The following ARPP21 variants were observed in gnomAD, a reference collection of about 807,000 sequenced individuals.
The protein encoded by ARPP21 is cAMP regulated phosphoprotein 21.
In ARPP21, 69 loss-of-function variants were observed where a neutral mutation model predicts 113.2. That is an observed-to-expected ratio of 0.61 (90% CI 0.50 to 0.74). The LOEUF is 0.74. Among genes scored for constraint, ARPP21 ranks in the 30% least tolerant of loss-of-function variants. The pLI is 0.00. For synonymous variants in ARPP21, 368 were observed against 375.5 expected, an observed-to-expected ratio of 0.98 and a Z score of 0.23; for missense variants, 1,070 against 1,037.4, an observed-to-expected ratio of 1.03 and a Z score of -0.43.
At chr3:35,738,868 C>A (rs1476353848) in intron 17 of ARPP21, among the ~76,000 whole-genome samples, 3 of 152,198 alleles carry the variant, frequency 2.0e-5, no homozygotes, top group African/African-American at 4.8e-5. Context: ...GTTGGTGATA[C>A]TGGTCCTGGC....
chr3:35,753,808 C>T (rs1452801132), intron 19 of ARPP21, among the ~76,000 whole-genome samples: 3 of 151,778 alleles, frequency 2.0e-5, no homozygotes, highest in African/African-American at 7.2e-5. Context: ...AGGTTATTGC[C>T]TCTTTAATGT....
intron 19 of ARPP21, among the ~76,000 whole-genome samples, chr3:35,750,311 C>T (rs181782547): frequency 2.0e-5 from 3 of 151,800 alleles, no homozygotes; most frequent in Non-Finnish European, 4.4e-5. Context: ...TTCTCTGAGA[C>T]CTTATCTTTG....
At chr3:35,690,690 A>C (rs1199550241) in intron 8 of ARPP21, among the ~76,000 whole-genome samples, 175 bp from the exon 9 acceptor site, 2 of 151,654 alleles carry the variant, frequency 1.3e-5, no homozygotes, top group African/African-American at 2.4e-5. Flanking sequence ...TTAATCAATA[A>C]ATCTATAATA....
At chr3:35,760,193 T>C (rs192718239) in intron 19 of ARPP21, among the ~76,000 whole-genome samples, 60 of 152,224 alleles carry the variant, frequency 3.9e-4, no homozygotes, top group African/African-American at 1.2e-3. Context: ...TTGTTGTCGT[T>C]GTTGGTTTGT....
chr3:35,690,697 A>G (rs1012676680), intron 8 of ARPP21, among the ~76,000 whole-genome samples, 168 bp from the exon 9 acceptor site: 1 of 151,670 alleles, frequency 6.6e-6, no homozygotes, highest in African/African-American at 2.4e-5. Flanking sequence ...ATAAATCTAT[A>G]ATAAGTAGAA....
chr3:35,770,530 G>A (rs530746031), intron 19 of ARPP21, among the ~76,000 whole-genome samples: 1 of 152,132 alleles, frequency 6.6e-6, no homozygotes, highest in Non-Finnish European at 1.5e-5. Context: ...TCAAACAGTT[G>A]CTGCCACATT....
At chr3:35,709,110 C>G in intron 11 of ARPP21, 40 bp downstream of exon 11, 1 of 1,375,286 alleles carries the variant, frequency 7.3e-7, no homozygotes, top group African/African-American at 1.4e-5. Flanking sequence ...TGCGCTCCTT[C>G]CAACAGCAGT....
chr3:35,737,345 G>A lies in ARPP21; in HGVS notation c.1627G>A (p.Gly543Ser), dbSNP rs747895782. Residue 543 changes from glycine to serine, a missense_variant, in exon 16 of 21, where the codon GGC (glycine) becomes AGC (serine). Gly to Ser is a moderately conservative substitution (Grantham distance 56). Transcript: ENST00000684406. ...CCAGCCACCGCAGCCACAGATGGCA[G>A]GCCCTCTGGTCACTCAGGTAGGGGG... Reference protein sequence around the residue: ...QVQPPQPQMAGPLVTQSVQGL... With the variant: ...QVQPPQPQMASPLVTQSVQGL... 1.2e-6 allele frequency: 2 copies of A among 1,610,270 alleles called. No individual in the cohort carries two copies. The highest frequency in any genetic ancestry group is 2.2e-5 in the South Asian group (2 of 90,310).
rs753038772 is a variant in ARPP21 at position 35,793,847 on chromosome 3, C to T, written c.2433C>T (p.Asn811=). ...CNVTPPTPQN[N]LRLIGPHCPS... is the part of the protein sequence containing the mutation. Reference sequence around the variant, plus strand: ...TCACACCGCCCACCCCTCAGAACAACCTTAGGCTGATTGGCCCACACTGCC... The same window carrying T: ...TCACACCGCCCACCCCTCAGAACAATCTTAGGCTGATTGGCCCACACTGCC... The change falls in exon 21 of 21, where the codon AAC becomes AAT. Residue 811 remains asparagine, a synonymous_variant. Coordinates refer to ENST00000684406, the MANE Select transcript of ARPP21 (RefSeq NM_001385562.1). The T allele has an allele frequency of 3.7e-6, 6 of 1,614,190 alleles. No individual in the cohort carries two copies. The highest frequency in any genetic ancestry group is 1.3e-5 in the African/African-American group (1 of 75,050).
intron 19 of ARPP21, among the ~76,000 whole-genome samples, chr3:35,748,251 GA>G (rs1168919919): frequency 7.7e-6 from 1 of 130,038 alleles, no homozygotes; most frequent in Non-Finnish European, 1.6e-5. Context: ...AAGAAAGAAA[GA>G]AAGAGAAAGG....
At chr3:35,703,977 G>A (rs534594133) in intron 9 of ARPP21, among the ~76,000 whole-genome samples, 6 of 151,764 alleles carry the variant, frequency 4.0e-5, no homozygotes, top group African/African-American at 1.4e-4. Context: ...CAATACTTCA[G>A]GTATATGCCT....
rs762069246 is a variant in ARPP21, at chr3:35,743,970, T to C, written c.2137+5T>C. 1 of 1,614,054 alleles carries C rather than the reference T, an allele frequency of 6.2e-7. No homozygotes were observed. Among genetic ancestry groups the C allele is most frequent in the East Asian group, 2.2e-5 (1 of 44,868 alleles). ...CACAGGCAGCACAGCAAGCAGGTAC[T>C]TGGAATCTGTTTCCCATTTGCTTCT... On this transcript the variant is annotated splice_donor_5th_base_variant and intron_variant, in intron 19 of 20. Transcript: ENST00000684406.
At chr3:35,677,259 A>T (rs2077745237) in intron 1 of ARPP21, among the ~76,000 whole-genome samples, 1 of 151,772 alleles carries the variant, frequency 6.6e-6, no homozygotes, top group Non-Finnish European at 1.5e-5. Flanking sequence ...TAGCACAGTG[A>T]TTAATATGTG....
rs1559500562 is a variant in ARPP21, at chr3:35,644,125, A to C, written c.-213+3727A>C. ...AAGCAGCAATGTAAGCAAATGCTGA[A>C]GGACTGTTGAAGGAAAAAGAAAATA... On this transcript the variant is annotated intron_variant, in intron 1 of 20. Coordinates refer to ENST00000684406, the MANE Select transcript of ARPP21 (RefSeq NM_001385562.1). Among the ~76,000 whole-genome samples, 3 of 151,930 alleles carry C rather than the reference A, an allele frequency of 2.0e-5. No homozygotes were observed. In the South Asian group the frequency reaches 6.2e-4, roughly 31 times the overall value.
At chr3:35,786,291 A>C (rs552056151) in intron 19 of ARPP21, among the ~76,000 whole-genome samples, 57 of 152,242 alleles carry the variant, frequency 3.7e-4, no homozygotes, top group African/African-American at 1.3e-3. Flanking sequence ...TGGGAGGCCA[A>C]GACAGGCAGA....
At chr3:35,739,606 T>A in intron 18 of ARPP21, 29 bp downstream of exon 18, 3 of 1,577,664 alleles carry the variant, frequency 1.9e-6, no homozygotes, top group South Asian at 2.4e-5. Context: ...GCCTGTGACC[T>A]ACAGCTGATT....
chr3:35,673,611 A>G (rs938797596), intron 1 of ARPP21, among the ~76,000 whole-genome samples: 4 of 152,046 alleles, frequency 2.6e-5, no homozygotes, highest in Non-Finnish European at 5.9e-5. Context: ...CCTAATGTAT[A>G]TATAGGAGTA....
intron 1 of ARPP21, among the ~76,000 whole-genome samples, chr3:35,647,776 A>G (rs1024825645): frequency 1.3e-5 from 2 of 152,162 alleles, no homozygotes; most frequent in African/African-American, 4.8e-5. Flanking sequence ...TTAAAGTTGT[A>G]TAGTAACACT....
At chr3:35,685,429 A>G in intron 5 of ARPP21, 1 of 984,870 alleles carries the variant, frequency 1.0e-6, no homozygotes, top group Non-Finnish European at 1.2e-6. Flanking sequence ...CATATAAGCA[A>G]GTGGCCGTGC....
Sources: gnomAD v4.1 joint callset for allele counts (sites outside exome capture counted in the v4.1 genomes callset) on GRCh38, gnomAD v4.1.1 for gene constraint, MANE v1.5 for transcripts, NCBI Gene and HGNC (gene_info 2026-07-23, HGNC 2026-07-21) for gene names.